TENM3: variants seen among roughly 807,000 people sequenced by gnomAD.
TENM3 encodes the protein teneurin-3.
A neutral mutation model predicts 255.1 loss-of-function variants in TENM3; 63 were observed. The ratio of observed to expected loss-of-function variants is 0.25; its 90% CI spans 0.20 to 0.30. The LOEUF (loss-of-function observed/expected upper bound fraction) is 0.30, where lower values mean the gene tolerates loss of function less well. TENM3 is among the 10% of genes least tolerant of loss of function. The probability of loss-of-function intolerance (pLI) is 1.00; values close to 1 mark genes in which losing one functional copy is unlikely to be tolerated. For synonymous variants in TENM3, 1,306 were observed against 1,322.3 expected, an observed-to-expected ratio of 0.99 and a Z score of 0.27; for missense variants, 2,929 against 3,461.1, an observed-to-expected ratio of 0.85 and a Z score of 3.86.
intron 3 of TENM3, among the ~76,000 whole-genome samples, chr4:182,417,706 T>C (rs1460643760): frequency 1.3e-5 from 2 of 152,216 alleles, no homozygotes; most frequent in Non-Finnish European, 2.9e-5. Context: ...CAACAAAAGA[T>C]ACTTTTTATT....
the TENM3 span, among the ~76,000 whole-genome samples, chr4:181,989,528 C>T: frequency 1.3e-5 from 2 of 152,106 alleles, no homozygotes; most frequent in South Asian, 4.1e-4. Flanking sequence ...AGGTTGATTC[C>T]CATATCCCAG....
chr4:181,588,509 A>G, the TENM3 span, among the ~76,000 whole-genome samples: 4 of 152,170 alleles, frequency 2.6e-5, no homozygotes, highest in Non-Finnish European at 5.9e-5. Context: ...GTGGTCAACC[A>G]CTGTCATAGG....
At chr4:182,136,039 G>A in the TENM3 span, among the ~76,000 whole-genome samples, 3 of 152,248 alleles carry the variant, frequency 2.0e-5, no homozygotes, top group South Asian at 6.2e-4. Context: ...TCATGAAGCT[G>A]TATTTTGGAA....
intron 3 of TENM3, among the ~76,000 whole-genome samples, chr4:182,425,871 C>T (rs1351068865): frequency 6.6e-6 from 1 of 151,776 alleles, no homozygotes; most frequent in East Asian, 1.9e-4. Context: ...AGCCAGACGT[C>T]GTGGCACACA....
the TENM3 span, among the ~76,000 whole-genome samples, chr4:181,545,154 C>G: frequency 3.9e-5 from 6 of 152,156 alleles, no homozygotes; most frequent in African/African-American, 1.4e-4. Context: ...GCTTTTGGAG[C>G]AAGTTATTAG....
chr4:182,611,513 T>A (rs1749001977), intron 4 of TENM3, among the ~76,000 whole-genome samples: 1 of 152,144 alleles, frequency 6.6e-6, no homozygotes, highest in Non-Finnish European at 1.5e-5. Context: ...ATTTCTCTGA[T>A]GTCTACTCTG....
At chr4:181,901,309 G>A in the TENM3 span, among the ~76,000 whole-genome samples, 1 of 152,118 alleles carries the variant, frequency 6.6e-6, no homozygotes, top group Non-Finnish European at 1.5e-5. Context: ...ACCCTAGTAA[G>A]GATCTTGAAA....
the TENM3 span, among the ~76,000 whole-genome samples, chr4:182,100,672 T>C: frequency 2.2e-5 from 1 of 44,718 alleles, no homozygotes. Context: ...TATATACACA[T>C]ATATATACAC....
chr4:182,334,688 G>A (rs539387356), intron 2 of TENM3, among the ~76,000 whole-genome samples: 2 of 152,160 alleles, frequency 1.3e-5, no homozygotes, highest in African/African-American at 2.4e-5. Context: ...CAAAAAAAAG[G>A]TTTTTCTATT....
At chr4:181,694,724 A>C in the TENM3 span, among the ~76,000 whole-genome samples, 1 of 152,222 alleles carries the variant, frequency 6.6e-6, no homozygotes, top group South Asian at 2.1e-4. Context: ...CCCGGAATGG[A>C]ATACACAGAG....
chr4:182,510,481 T>C (rs1580784301), intron 3 of TENM3, among the ~76,000 whole-genome samples: 1 of 152,228 alleles, frequency 6.6e-6, no homozygotes, highest in Non-Finnish European at 1.5e-5. Context: ...TTTTAAGGGT[T>C]AACCTCTAGA....
chr4:181,838,385 T>C, the TENM3 span, among the ~76,000 whole-genome samples: 1 of 152,214 alleles, frequency 6.6e-6, no homozygotes, highest in African/African-American at 2.4e-5. Flanking sequence ...AAAGAATTGA[T>C]GTGTTAATAT....
the TENM3 span, among the ~76,000 whole-genome samples, chr4:181,682,241 G>C: frequency 6.6e-6 from 1 of 152,104 alleles, no homozygotes; most frequent in African/African-American, 2.4e-5. Flanking sequence ...TTATATCATC[G>C]AACGCAAAAT....
chr4:182,511,111 A>C (rs1271211880), intron 3 of TENM3, among the ~76,000 whole-genome samples: 2 of 152,180 alleles, frequency 1.3e-5, no homozygotes, highest in Admixed American at 1.3e-4. Flanking sequence ...GTACAATCCA[A>C]TACTCATGCT....
At chr4:181,692,730 G>A in the TENM3 span, among the ~76,000 whole-genome samples, 1 of 152,204 alleles carries the variant, frequency 6.6e-6, no homozygotes. Flanking sequence ...AGTAGGCATG[G>A]AGGTACAGGA....
At chr4:181,781,650 G>A in the TENM3 span, among the ~76,000 whole-genome samples, 49 of 152,144 alleles carry the variant, frequency 3.2e-4, 1 homozygote, top group African/African-American at 6.5e-4. Flanking sequence ...AACTTCCAAC[G>A]CTATGTTGAA....
the TENM3 span, among the ~76,000 whole-genome samples, chr4:181,623,602 A>T: frequency 6.6e-6 from 1 of 152,244 alleles, no homozygotes; most frequent in Admixed American, 6.5e-5. Context: ...TATGAAAATC[A>T]TTCTTAAAAA....
intron 27 of TENM3, among the ~76,000 whole-genome samples, chr4:182,797,630 G>A (rs1766590527): frequency 6.6e-6 from 1 of 152,142 alleles, no homozygotes; most frequent in Non-Finnish European, 1.5e-5. Context: ...AGTCAAAGCT[G>A]CCGCTTCAGA....
At chr4:182,703,975 T>C (rs1289095014) in intron 12 of TENM3, among the ~76,000 whole-genome samples, 3 of 152,194 alleles carry the variant, frequency 2.0e-5, no homozygotes, top group Non-Finnish European at 4.4e-5. Context: ...AACTTCATTT[T>C]TCCTAAATCT....
Sources: allele counts gnomAD v4.1 joint callset (sites outside exome capture counted in the v4.1 genomes callset), GRCh38; gene constraint gnomAD v4.1.1; transcripts MANE v1.5; gene names NCBI Gene and HGNC (gene_info 2026-07-23, HGNC 2026-07-21).